Variants in PALLD observed in about 807,000 individuals in gnomAD.
PALLD encodes the protein palladin.
PALLD carries 61 observed loss-of-function variants against 123.5 expected under a neutral mutation model. The observed-to-expected ratio is 0.49, with a 90% CI of 0.40 to 0.61. PALLD has a LOEUF of 0.61. PALLD is among the 20% of genes least tolerant of loss of function. The pLI, the probability that PALLD is intolerant of heterozygous loss-of-function variation, is 0.00. For synonymous variants in PALLD, 465 were observed against 496.4 expected, an observed-to-expected ratio of 0.94 and a Z score of 0.84; for missense variants, 1,273 against 1,377.0, an observed-to-expected ratio of 0.92 and a Z score of 1.20.
At chr4:168,572,792 G>A (rs1769131281) in intron 2 of PALLD, among the ~76,000 whole-genome samples, 1 of 151,502 alleles carries the variant, frequency 6.6e-6, no homozygotes, top group African/African-American at 2.4e-5. Context: ...ATCCTTCCAC[G>A]GACATCAGCA....
At chr4:168,912,802 A>C (rs1382670288) in intron 15 of PALLD, among the ~76,000 whole-genome samples, 1 of 152,210 alleles carries the variant, frequency 6.6e-6, no homozygotes, top group Admixed American at 6.5e-5. Flanking sequence ...GCTGTGAAAC[A>C]CTAAAACTTT....
chr4:168,698,827 A>AT (rs914919485), intron 8 of PALLD, among the ~76,000 whole-genome samples: 1 of 151,982 alleles, frequency 6.6e-6, no homozygotes, highest in African/African-American at 2.4e-5. Context: ...TAAAGAATGC[A>AT]TTTTTTAAGG....
intron 10 of PALLD, among the ~76,000 whole-genome samples, chr4:168,757,201 A>G (rs904291385): frequency 1.7e-4 from 26 of 152,248 alleles, no homozygotes; most frequent in African/African-American, 6.0e-4. Flanking sequence ...GAGGACAAAC[A>G]GAAAACTGAT....
At chr4:168,794,510 A>ACACACG (rs1554084004) in intron 10 of PALLD, among the ~76,000 whole-genome samples, 1 of 142,918 alleles carries the variant, frequency 7.0e-6, no homozygotes, top group East Asian at 2.0e-4. Context: ...ACACACGCAC[A>ACACACG]CACACACACA....
chr4:168,839,556 AGTG>A (rs1005402248), intron 10 of PALLD, among the ~76,000 whole-genome samples: 17 of 101,682 alleles, frequency 1.7e-4, no homozygotes, highest in African/African-American at 5.4e-4. Context: ...ATTGACTACA[AGTG>A]GTGTTGGTGG....
intron 2 of PALLD, among the ~76,000 whole-genome samples, chr4:168,541,607 C>T (rs1765626099): frequency 6.6e-6 from 1 of 152,164 alleles, no homozygotes; most frequent in East Asian, 1.9e-4. Flanking sequence ...CTCGCCACCA[C>T]ACCTGGCTAA....
chr4:168,761,656 T>TTGTTTTTTTTTTTTTTTTTTTTTTTG (rs1732916807), intron 10 of PALLD, among the ~76,000 whole-genome samples: 1 of 40,892 alleles, frequency 2.4e-5, no homozygotes, highest in Non-Finnish European at 5.6e-5. Flanking sequence ...TTTTTTTTTT[T>TTGTTTTTTTTTTTTTTTTTTTTTTTG]TTTTTTTTTT....
At chr4:168,800,946 A>G (rs1739237859) in intron 10 of PALLD, among the ~76,000 whole-genome samples, 1 of 152,236 alleles carries the variant, frequency 6.6e-6, no homozygotes, top group African/African-American at 2.4e-5. Context: ...TAAATGAACT[A>G]TAGCTAGACG....
At chr4:168,681,081 T>C (rs4642207) in intron 3 of PALLD, among the ~76,000 whole-genome samples, 2,467 of 152,284 alleles carry the variant, frequency 0.016, 60 homozygotes, top group African/African-American at 0.056. Context: ...AAAAATGAAA[T>C]TAATAATAAA....
chr4:168,550,101 C>G (rs1379088973), intron 2 of PALLD, among the ~76,000 whole-genome samples: 2 of 152,152 alleles, frequency 1.3e-5, no homozygotes, highest in South Asian at 2.1e-4. Context: ...GTTCATCTCT[C>G]TCAATGCTCA....
At chr4:168,746,524 G>A (rs946940518) in intron 10 of PALLD, among the ~76,000 whole-genome samples, 4 of 152,036 alleles carry the variant, frequency 2.6e-5, no homozygotes, top group Middle Eastern at 3.4e-3. Context: ...CTGTGTCTCT[G>A]GAGCTAGCAC....
intron 2 of PALLD, among the ~76,000 whole-genome samples, chr4:168,620,311 C>T (rs899431110): frequency 6.6e-6 from 1 of 152,112 alleles, no homozygotes; most frequent in Non-Finnish European, 1.5e-5. Flanking sequence ...AAAAATTACC[C>T]AGGCGTGGTG....
intron 10 of PALLD, among the ~76,000 whole-genome samples, chr4:168,761,607 C>T (rs777949823): frequency 2.0e-5 from 3 of 149,398 alleles, no homozygotes; most frequent in Non-Finnish European, 4.4e-5. Context: ...ACTACACGCA[C>T]ACACCACCAC....
intron 2 of PALLD, among the ~76,000 whole-genome samples, chr4:168,523,250 GGTAA>G (rs1763734449): frequency 7.1e-6 from 1 of 141,192 alleles, no homozygotes; most frequent in African/African-American, 2.6e-5. Flanking sequence ...GGGAGGGGAG[GGTAA>G]GGAAGGAGGA....
chr4:168,766,662 G>T (rs894051007), intron 10 of PALLD, among the ~76,000 whole-genome samples: 7 of 152,210 alleles, frequency 4.6e-5, no homozygotes, highest in Non-Finnish European at 8.8e-5. Context: ...TGGGAGGCAT[G>T]GGAATTGGTT....
chr4:168,834,157 T>A (rs1396721908), intron 10 of PALLD, among the ~76,000 whole-genome samples: 1 of 151,938 alleles, frequency 6.6e-6, no homozygotes, highest in Non-Finnish European at 1.5e-5. Context: ...TCTGGCTATG[T>A]GAAAACTTGG....
chr4:168,589,247 C>T (rs951378652), intron 2 of PALLD, among the ~76,000 whole-genome samples: 1 of 152,188 alleles, frequency 6.6e-6, no homozygotes, highest in Non-Finnish European at 1.5e-5. Context: ...AGAACAGCTG[C>T]ATCCACTGCA....
chr4:168,695,079 C>T (rs1315889767), intron 8 of PALLD, among the ~76,000 whole-genome samples: 1 of 152,160 alleles, frequency 6.6e-6, no homozygotes. Context: ...CACAAAAACG[C>T]GTCTTACTGG....
chr4:168,583,497 G>C (rs1286028908), intron 2 of PALLD, among the ~76,000 whole-genome samples: 1 of 152,082 alleles, frequency 6.6e-6, no homozygotes, highest in Non-Finnish European at 1.5e-5. Context: ...CTGCTGGTCT[G>C]CATATCACAC....
Sources: allele counts gnomAD v4.1 joint callset (sites outside exome capture counted in the v4.1 genomes callset), GRCh38; gene constraint gnomAD v4.1.1; transcripts MANE v1.5; gene names NCBI Gene and HGNC (gene_info 2026-07-23, HGNC 2026-07-21).